The following PTPRN2 variants were observed in gnomAD, a reference collection of about 807,000 sequenced individuals.
The protein encoded by PTPRN2 is protein tyrosine phosphatase receptor type N2.
Under a neutral mutation model 118.8 loss-of-function variants are expected in PTPRN2, and 74 were observed. The observed-to-expected ratio is 0.62, with a 90% CI of 0.52 to 0.76. The LOEUF (loss-of-function observed/expected upper bound fraction) is 0.76, where lower values mean the gene tolerates loss of function less well. PTPRN2 is among the 30% of genes least tolerant of loss of function. The probability of loss-of-function intolerance (pLI) is 0.00; values close to 1 mark genes in which losing one functional copy is unlikely to be tolerated. For missense variants in PTPRN2, 1,481 were observed against 1,394.4 expected (o/e 1.06, Z -0.99); for synonymous variants, 641 against 608.0 (o/e 1.05, Z -0.80).
intron 2 of PTPRN2, among the ~76,000 whole-genome samples, chr7:158,446,212 G>A (rs1166272725): frequency 6.6e-6 from 1 of 152,226 alleles, no homozygotes; most frequent in Non-Finnish European, 1.5e-5. Context: ...TTGAGGGACT[G>A]TTTATGGGGT....
At chr7:158,119,978 A>G (rs998491452) in intron 9 of PTPRN2, among the ~76,000 whole-genome samples, 1 of 152,204 alleles carries the variant, frequency 6.6e-6, no homozygotes, top group African/African-American at 2.4e-5. Context: ...CAAATGGAGG[A>G]GCAAAGCGTG....
intron 11 of PTPRN2, among the ~76,000 whole-genome samples, chr7:158,043,109 G>T (rs1808591327): frequency 6.6e-6 from 1 of 152,234 alleles, no homozygotes; most frequent in Non-Finnish European, 1.5e-5. Context: ...TACTCGGGAG[G>T]CTAAGGCAGG....
chr7:158,539,473 A>G (rs1478057838), intron 1 of PTPRN2: 2 of 152,248 alleles, frequency 1.3e-5, no homozygotes, highest in Non-Finnish European at 2.9e-5. Flanking sequence ...CCAGCACCGG[A>G]CTCCTGTCCT....
At chr7:158,071,575 AGGTGCTCCTGGTGGAGGTGCTCC>A (rs1811707429) in intron 11 of PTPRN2, among the ~76,000 whole-genome samples, 4 of 8,192 alleles carry the variant, frequency 4.9e-4, no homozygotes, top group Non-Finnish European at 1.0e-3. Flanking sequence ...CTCCTGGTGG[AGGTGCTCCTGGTGGAGGTGCTCC>A]TGGTGGAGGT....
intron 2 of PTPRN2, among the ~76,000 whole-genome samples, chr7:158,457,122 C>A (rs749007169): frequency 1.4e-4 from 22 of 152,158 alleles, no homozygotes; most frequent in Non-Finnish European, 2.8e-4. Context: ...ACAGCAATGG[C>A]GCACGCAGGG....
At chr7:158,125,624 G>A (rs1216470475) in intron 9 of PTPRN2, among the ~76,000 whole-genome samples, 1 of 152,148 alleles carries the variant, frequency 6.6e-6, no homozygotes, top group Non-Finnish European at 1.5e-5. Context: ...TCATGCTACA[G>A]ATATTCTTTT....
intron 11 of PTPRN2, among the ~76,000 whole-genome samples, chr7:157,899,260 AAGC>A (rs1170765686): frequency 6.6e-6 from 1 of 152,180 alleles, no homozygotes; most frequent in African/African-American, 2.4e-5. Flanking sequence ...GCTCCAATAA[AAGC>A]CTCACCCTGG....
chr7:158,149,907 A>G (rs913367483), intron 6 of PTPRN2, among the ~76,000 whole-genome samples: 2 of 152,146 alleles, frequency 1.3e-5, no homozygotes, highest in Non-Finnish European at 2.9e-5. Context: ...AGTGGCAAGA[A>G]TATATTTTAA....
At chr7:157,595,354 G>A in intron 16 of PTPRN2, 39 bp from the exon 17 acceptor site, 2 of 1,217,206 alleles carry the variant, frequency 1.6e-6, no homozygotes, top group Non-Finnish European at 2.3e-6. Flanking sequence ...TTAGCCAGGA[G>A]ATTAGGAAGC....
chr7:158,284,108 C>T (rs985884060), intron 3 of PTPRN2, among the ~76,000 whole-genome samples: 4 of 152,352 alleles, frequency 2.6e-5, no homozygotes, highest in South Asian at 4.1e-4. Context: ...CTCTCAAGCG[C>T]GTTTACACAC....
chr7:158,478,736 GCT>G (rs1235219351), intron 2 of PTPRN2, among the ~76,000 whole-genome samples: 1 of 152,088 alleles, frequency 6.6e-6, no homozygotes, highest in African/African-American at 2.4e-5. Flanking sequence ...ATAAAAGTGG[GCT>G]CTGACTTGTG....
intron 11 of PTPRN2, among the ~76,000 whole-genome samples, chr7:157,950,291 C>T (rs950167460): frequency 2.6e-5 from 4 of 152,170 alleles, no homozygotes; most frequent in East Asian, 3.9e-4. Context: ...AATACAAACC[C>T]GCAGGCGTTT....
Position 158,586,796 on chromosome 7 carries a change from G to C in PTPRN2, c.112+762C>G, listed in dbSNP as rs187186820. On this transcript the variant is annotated intron_variant, in intron 1 of 22. Coordinates refer to ENST00000389418, the MANE Select transcript of PTPRN2 (RefSeq NM_002847.5). ...ACGCAGGTAGAAGCGGGTGCAGCGG[G>C]ACATCCGAGGCCCGGCCCCTCGCGG... is the stretch of plus-strand genomic sequence containing the variant. Among the ~76,000 whole-genome samples, 528 of 152,292 alleles carry C rather than the reference G, an allele frequency of 3.5e-3. 6 individuals are homozygous for C. Among genetic ancestry groups the C allele is most frequent in the African/African-American group, 8.3e-3 (343 of 41,574 alleles).
chr7:158,024,930 A>C (rs2128878414), intron 11 of PTPRN2, among the ~76,000 whole-genome samples: 1 of 152,290 alleles, frequency 6.6e-6, no homozygotes, highest in South Asian at 2.1e-4. Context: ...AGAAACGAAA[A>C]GATTGAGTGG....
At chr7:158,325,478 G>A (rs530688173) in intron 2 of PTPRN2, among the ~76,000 whole-genome samples, 54 of 151,848 alleles carry the variant, frequency 3.6e-4, no homozygotes, top group African/African-American at 1.2e-3. Context: ...ATTAGCTTAG[G>A]GCATTGTTTG....
At chr7:158,080,796 T>C (rs1387779502) in intron 11 of PTPRN2, among the ~76,000 whole-genome samples, 4 of 152,222 alleles carry the variant, frequency 2.6e-5, no homozygotes, top group African/African-American at 9.6e-5. Flanking sequence ...TGAAACCGTC[T>C]GGAAGTCGGC....
intron 21 of PTPRN2, among the ~76,000 whole-genome samples, chr7:157,559,483 A>G (rs954843505): frequency 6.6e-6 from 1 of 152,150 alleles, no homozygotes; most frequent in Non-Finnish European, 1.5e-5. Context: ...GAGCGAGAGC[A>G]GAGGAGATGG....
intron 11 of PTPRN2, among the ~76,000 whole-genome samples, chr7:157,906,821 A>G (rs1797797157): frequency 6.6e-6 from 1 of 152,108 alleles, no homozygotes; most frequent in East Asian, 1.9e-4. Flanking sequence ...GGAAGGACCC[A>G]CGTGTCCTGA....
chr7:158,332,869 C>G (rs1369275705), intron 2 of PTPRN2, among the ~76,000 whole-genome samples: 161 of 148,592 alleles, frequency 1.1e-3, no homozygotes, highest in African/African-American at 4.0e-3. Context: ...CACCCACACT[C>G]TCACCATAAG....
Sources: allele counts gnomAD v4.1 joint callset (sites outside exome capture counted in the v4.1 genomes callset), GRCh38; gene constraint gnomAD v4.1.1; transcripts MANE v1.5; gene names NCBI Gene and HGNC (gene_info 2026-07-23, HGNC 2026-07-21).